COQ8B: variants seen among roughly 807,000 people sequenced by gnomAD.
The protein encoded by COQ8B is atypical kinase COQ8B, mitochondrial.
In COQ8B, 44 loss-of-function variants were observed where a neutral mutation model predicts 62.0. The observed-to-expected ratio is 0.71, with a 90% CI of 0.56 to 0.91. The LOEUF (loss-of-function observed/expected upper bound fraction) is 0.91. Ranked by LOEUF, COQ8B falls within the 40% of genes least tolerant of loss-of-function variation. COQ8B has a pLI of 0.00. For synonymous variants in COQ8B, 252 were observed against 289.9 expected, an observed-to-expected ratio of 0.87 and a Z score of 1.33; for missense variants, 649 against 731.6, an observed-to-expected ratio of 0.89 and a Z score of 1.30.
intron 5 of COQ8B, among the ~76,000 whole-genome samples, chr19:40,706,250 G>A (rs1270098603): frequency 6.6e-6 from 1 of 152,208 alleles, no homozygotes; most frequent in East Asian, 1.9e-4. Context: ...ATGTGGGCCA[G>A]GGACCCCTGA....
intron 12 of COQ8B, among the ~76,000 whole-genome samples, chr19:40,698,562 G>A (rs934247950): frequency 2.0e-5 from 3 of 151,982 alleles, no homozygotes; most frequent in African/African-American, 7.2e-5. Flanking sequence ...AGTCCTGTTG[G>A]AAACCAATAA....
At position 40,693,466 on chromosome 19, in the gene COQ8B, C is replaced by T. The variant is rs917662769; in HGVS notation, c.1210-429G>A. Among the ~76,000 whole-genome samples, 13 of 152,314 alleles carry T rather than the reference C, an allele frequency of 8.5e-5. No homozygotes were observed. The East Asian group carries it at 9.6e-4, about 11-fold the overall frequency. On this transcript the variant is annotated intron_variant, in intron 13 of 14. Coordinates refer to ENST00000324464, the MANE Select transcript of COQ8B (RefSeq NM_024876.4). The stretch of plus-strand genomic sequence containing the variant: ...AGCAAGGATCCCAGTTGGGTTTAGT[C>T]GCACGGGGCACAGGGTCTGGTGCTG...
intron 3 of COQ8B, 33 bp downstream of exon 3, chr19:40,714,244 TG>T (rs1290082013): frequency 6.3e-7 from 1 of 1,596,726 alleles, no homozygotes; most frequent in Non-Finnish European, 8.5e-7. Flanking sequence ...GCAGTATTCG[TG>T]GGGTGTTGCT....
intron 4 of COQ8B, among the ~76,000 whole-genome samples, chr19:40,713,586 G>A (rs561478485): frequency 1.7e-4 from 25 of 151,018 alleles, no homozygotes; most frequent in African/African-American, 5.6e-4. Flanking sequence ...CATAGTGGCA[G>A]GCACCTGTAA....
At position 40,691,717 on chromosome 19, in the gene COQ8B, G is replaced by C; in HGVS notation, c.*318C>G. 1 of 234,048 alleles carries C rather than the reference G, an allele frequency of 4.3e-6. No homozygotes were observed. Among genetic ancestry groups the C allele is most frequent in the South Asian group, 1.6e-4 (1 of 6,230 alleles). The allele number at this position is 234,048 out of a possible 1,614,324, so 14.5% of individuals were successfully genotyped here. On this transcript the variant is annotated 3_prime_UTR_variant, in exon 15 of 15. Coordinates refer to ENST00000324464, the MANE Select transcript of COQ8B (RefSeq NM_024876.4). ...ACGGGAGGCTTGAGGCAGAGGTGAG[G>C]GCTCCCCCTGATGAGTCTGATCTGC...
At chr19:40,709,873 C>G (rs1221502018) in intron 5 of COQ8B, among the ~76,000 whole-genome samples, 186 bp downstream of exon 5, 1 of 152,056 alleles carries the variant, frequency 6.6e-6, no homozygotes, top group Non-Finnish European at 1.5e-5. Flanking sequence ...ATATGCTTCT[C>G]TTAATCATGA....
intron 12 of COQ8B, among the ~76,000 whole-genome samples, chr19:40,696,613 C>G (rs1285754624): frequency 1.3e-5 from 2 of 149,436 alleles, no homozygotes; most frequent in East Asian, 3.9e-4. Flanking sequence ...TGCAGTGAGC[C>G]GAGATTGTGC....
chr19:40,710,347 C>T (rs557083289), intron 4 of COQ8B, among the ~76,000 whole-genome samples: 26 of 152,192 alleles, frequency 1.7e-4, no homozygotes, highest in Non-Finnish European at 3.1e-4. Flanking sequence ...CGGGTTCAAG[C>T]GATTCTCCTG....
At position 40,692,305 on chromosome 19, in the gene COQ8B, ATAAGGG is replaced by A. The variant is rs2081977993; in HGVS notation, c.1359_1364del (p.Pro454_Tyr455del). 5 of 1,613,622 alleles carry A rather than the reference ATAAGGG, an allele frequency of 3.1e-6. No homozygotes were observed. In the Admixed American group the frequency reaches 6.7e-5, roughly 22 times the overall value. On this transcript the variant is annotated inframe_deletion, in exon 15 of 15. Transcript: ENST00000324464. Reference sequence around the variant, plus strand: ...GGGCCGTTTCCCCCGACCCAAAGTCATAAGGGCCCTGGGTGGCGAAAGGCTCCCCCA... The same window carrying A: ...GGGCCGTTTCCCCCGACCCAAAGTCACCCTGGGTGGCGAAAGGCTCCCCCA...
In COQ8B at chr19:40,702,694, CT is replaced by C; in HGVS notation, c.800-2del. On this transcript the variant is annotated splice_acceptor_variant, in intron 9 of 14. Transcript: ENST00000324464. LOFTEE classifies it high-confidence loss of function. Reference sequence around the variant, plus strand: ...TGCAGGCTCTGCTCGGCAAACAGGCCTGTGGGGGAGGTGTGTCAGCCAGGGA... The same window carrying C: ...TGCAGGCTCTGCTCGGCAAACAGGCCGTGGGGGAGGTGTGTCAGCCAGGGA... 6.2e-7 allele frequency: 1 copy of C among 1,607,228 alleles called. No individual in the cohort carries two copies. Among genetic ancestry groups the C allele is most frequent in the Non-Finnish European group, 8.5e-7 (1 of 1,179,934 alleles).
intron 5 of COQ8B, among the ~76,000 whole-genome samples, chr19:40,705,973 A>G (rs551125104): frequency 3.3e-5 from 5 of 152,064 alleles, no homozygotes; most frequent in Non-Finnish European, 7.4e-5. Flanking sequence ...AAAAATAAAC[A>G]TAAGTTAAAA....
intron 4 of COQ8B, among the ~76,000 whole-genome samples, chr19:40,711,117 G>T (rs2082137954): frequency 8.0e-6 from 1 of 124,584 alleles, no homozygotes. Context: ...GGAAACAAGA[G>T]AGAAACTCCG....
At chr19:40,702,273 T>C (rs965679538) in intron 10 of COQ8B, among the ~76,000 whole-genome samples, 1 of 152,172 alleles carries the variant, frequency 6.6e-6, no homozygotes, top group East Asian at 1.9e-4. Context: ...CTCCCAGTGC[T>C]GTGGGCTCCT....
intron 12 of COQ8B, among the ~76,000 whole-genome samples, chr19:40,697,876 A>AGAGAGAGAGT (rs1316282364): frequency 1.4e-5 from 1 of 71,204 alleles, no homozygotes; most frequent in Admixed American, 1.2e-4. Context: ...AGAGAGAGAG[A>AGAGAGAGAGT]GTTTCTACTG....
At chr19:40,709,667 A>T (rs563769470) in intron 5 of COQ8B, among the ~76,000 whole-genome samples, 1 of 152,222 alleles carries the variant, frequency 6.6e-6, no homozygotes, top group East Asian at 1.9e-4. Flanking sequence ...AACATGGTGA[A>T]ACCGTCTCTA....
rs769219261 is a variant in COQ8B, at chr19:40,714,400, G to C, written c.103-3C>G. ...GCCCAAGAACCTCCACATGGTCCCT[G>C]CAAGAGATATACTTTGATAAGGAGG... On this transcript the variant is annotated splice_polypyrimidine_tract_variant and splice_region_variant and intron_variant, in intron 2 of 14. Transcript: ENST00000324464. The C allele has an allele frequency of 3.7e-6, 6 of 1,613,542 alleles. No homozygotes were observed. The African/African-American group carries it at 8.0e-5, about 22-fold the overall frequency.
At chr19:40,693,462 T>C (rs763511005) in intron 13 of COQ8B, among the ~76,000 whole-genome samples, 2 of 152,184 alleles carry the variant, frequency 1.3e-5, no homozygotes, top group Non-Finnish European at 2.9e-5. Flanking sequence ...CAGTTGGGTT[T>C]AGTCGCACGG....
In COQ8B at chr19:40,716,734, C is replaced by T. The variant is rs995735733; in HGVS notation, c.-151G>A. On this transcript the variant is annotated 5_prime_UTR_variant, in exon 1 of 15. Transcript: ENST00000324464. ...TGAAGAATGGGCGCGCGGCTGGACT[C>T]GTCACCGGGGGTTTTAGGGAAGGTT... 1 of 153,146 alleles carries T rather than the reference C, an allele frequency of 6.5e-6. No individual in the cohort carries two copies. The highest frequency in any genetic ancestry group is 2.1e-4 in the South Asian group (1 of 4,840). 9.5% of individuals were successfully genotyped at this position (153,146 alleles called of 1,614,324 possible).
intron 12 of COQ8B, among the ~76,000 whole-genome samples, chr19:40,697,822 T>TTATATATATATATA (rs66501221): frequency 1.8e-4 from 14 of 79,096 alleles, no homozygotes; most frequent in African/African-American, 4.8e-4. Context: ...ATAAATAAAA[T>TTATATATATATATA]TATATATATA....
Sources: allele counts gnomAD v4.1 joint callset (sites outside exome capture counted in the v4.1 genomes callset), GRCh38; gene constraint gnomAD v4.1.1; transcripts MANE v1.5; gene names NCBI Gene and HGNC (gene_info 2026-07-23, HGNC 2026-07-21).